The following EVL variants were observed in gnomAD, a reference collection of about 807,000 sequenced individuals.
EVL encodes ena/VASP-like protein.
Under a neutral mutation model 59.6 loss-of-function variants are expected in EVL, and 21 were observed. The observed-to-expected ratio is 0.35, with a 90% CI of 0.25 to 0.51. The LOEUF (loss-of-function observed/expected upper bound fraction) is 0.51. EVL is among the 20% of genes least tolerant of loss of function. EVL has a pLI of 0.97. For synonymous variants in EVL, 198 were observed against 203.5 expected, an observed-to-expected ratio of 0.97 and a Z score of 0.23; for missense variants, 462 against 546.6, an observed-to-expected ratio of 0.85 and a Z score of 1.54.
At chr14:99,997,642 T>C (rs563130756) in intron 1 of EVL, among the ~76,000 whole-genome samples, 1 of 152,314 alleles carries the variant, frequency 6.6e-6, no homozygotes, top group African/African-American at 2.4e-5. Flanking sequence ...CAGGGTTCTG[T>C]ACATCCAAAA....
intron 7 of EVL, among the ~76,000 whole-genome samples, chr14:100,131,649 G>T (rs535621829): frequency 6.6e-6 from 1 of 152,210 alleles, no homozygotes; most frequent in East Asian, 1.9e-4. Context: ...TGGCTGCTGG[G>T]GGGTAGCTGG....
At chr14:99,995,253 C>T (rs1055077027) in intron 1 of EVL, among the ~76,000 whole-genome samples, 1 of 152,112 alleles carries the variant, frequency 6.6e-6, no homozygotes, top group African/African-American at 2.4e-5. Context: ...TCTGAGATGT[C>T]CATTATTTAC....
chr14:100,126,893 C>A, intron 5 of EVL, 122 bp downstream of exon 5: 1 of 827,732 alleles, frequency 1.2e-6, no homozygotes, highest in South Asian at 1.7e-5. Flanking sequence ...GCCTAGGTCT[C>A]AAAGTGCAAC....
chr14:100,084,569 C>G (rs537959056), intron 1 of EVL, 118 bp from the exon 2 acceptor site: 20 of 1,057,014 alleles, frequency 1.9e-5, no homozygotes, highest in Non-Finnish European at 2.6e-5. Flanking sequence ...GTTGGAAGTT[C>G]TGGCAATTGG....
chr14:99,972,704 A>G lies in EVL; in HGVS notation c.5+647A>G, dbSNP rs1283095586. On this transcript the variant is annotated intron_variant, in intron 1 of 13. Coordinates refer to the EVL transcript ENST00000402714. The surrounding 1 kb of genome is among the most constrained non-coding windows in gnomAD (Gnocchi z 4.4). ...AGCCTGCTGATTATCAGGCCAAGAA[A>G]TAAAACCTTGCTTCTGCCAGAAGCC... Among the ~76,000 whole-genome samples the G allele has an allele frequency of 6.6e-6, 1 of 152,142 alleles. No homozygotes were observed. The highest frequency in any genetic ancestry group is 1.5e-5 in the Non-Finnish European group (1 of 68,016).
chr14:99,989,727 G>A (rs1434461283), intron 1 of EVL, among the ~76,000 whole-genome samples: 1 of 152,148 alleles, frequency 6.6e-6, no homozygotes, highest in Non-Finnish European at 1.5e-5. Flanking sequence ...TCATTATTGT[G>A]GAAAGTTCTA....
At chr14:100,118,932 A>G (rs1359676309) in intron 3 of EVL, among the ~76,000 whole-genome samples, 1 of 152,226 alleles carries the variant, frequency 6.6e-6, no homozygotes, top group Non-Finnish European at 1.5e-5. Flanking sequence ...CCCAAGAATC[A>G]TCACAGTCCA....
At chr14:99,973,210 G>C (rs2060746974) in intron 1 of EVL, among the ~76,000 whole-genome samples, 1 of 152,210 alleles carries the variant, frequency 6.6e-6, no homozygotes, top group African/African-American at 2.4e-5. Flanking sequence ...TAAACACCAA[G>C]TTGCCAAAGT....
At chr14:100,123,020 C>G (rs1474166148) in intron 3 of EVL, among the ~76,000 whole-genome samples, 1 of 152,230 alleles carries the variant, frequency 6.6e-6, no homozygotes, top group East Asian at 1.9e-4. Context: ...GCATAGGCCT[C>G]AGCTCAGACA....
chr14:100,077,636 A>T (rs2062191780), intron 1 of EVL, among the ~76,000 whole-genome samples: 1 of 152,190 alleles, frequency 6.6e-6, no homozygotes, highest in Non-Finnish European at 1.5e-5. Context: ...CCATTTGCCT[A>T]GAACCAGCAA....
At chr14:100,042,807 C>T (rs575931561) in intron 1 of EVL, among the ~76,000 whole-genome samples, 44 of 152,264 alleles carry the variant, frequency 2.9e-4, no homozygotes, top group African/African-American at 8.9e-4. Context: ...ACCCCAGTTC[C>T]GGGAATGCCT....
upstream of EVL, among the ~76,000 whole-genome samples, chr14:100,063,515 A>G (rs1172411767): frequency 6.6e-6 from 1 of 152,216 alleles, no homozygotes; most frequent in Non-Finnish European, 1.5e-5. Flanking sequence ...CAGAAAACCA[A>G]TGCTGCATGG....
chr14:100,132,566 G>A (rs1294340693), intron 7 of EVL, among the ~76,000 whole-genome samples, 153 bp from the exon 8 acceptor site: 1 of 152,192 alleles, frequency 6.6e-6, no homozygotes, highest in African/African-American at 2.4e-5. Flanking sequence ...TCACCAGACG[G>A]GGCCTAGACA....
chr14:100,089,211 A>G (rs2062511830), intron 2 of EVL, among the ~76,000 whole-genome samples: 2 of 152,378 alleles, frequency 1.3e-5, no homozygotes, highest in Admixed American at 1.3e-4. Flanking sequence ...TCATACCTCC[A>G]AGCTACTAAT....
At chr14:100,065,569 T>A in intron 1 of EVL, 58 bp downstream of exon 1, 1 of 1,055,992 alleles carries the variant, frequency 9.5e-7, no homozygotes, top group Non-Finnish European at 1.3e-6. Flanking sequence ...CCTAGAATCT[T>A]AACGGTGAAT....
At chr14:100,107,007 T>C (rs1484045776) in intron 3 of EVL, 5 of 398,636 alleles carry the variant, frequency 1.3e-5, no homozygotes, top group Non-Finnish European at 2.2e-5. Flanking sequence ...CCGGGCTACG[T>C]TGGGTCTGTG....
intron 1 of EVL, among the ~76,000 whole-genome samples, chr14:100,078,689 T>C (rs1159018419): frequency 6.6e-6 from 1 of 152,078 alleles, no homozygotes; most frequent in Non-Finnish European, 1.5e-5. Flanking sequence ...GGGTGCTTGT[T>C]AGGTGCCCAC....
chr14:100,003,531 C>A (rs997573169), intron 1 of EVL, among the ~76,000 whole-genome samples: 2 of 152,084 alleles, frequency 1.3e-5, no homozygotes, highest in African/African-American at 4.8e-5. Context: ...ATTATCCTGC[C>A]TCAGCCTCCC....
At chr14:100,129,153 G>C (rs1657610021) in intron 6 of EVL, among the ~76,000 whole-genome samples, 1 of 152,344 alleles carries the variant, frequency 6.6e-6, no homozygotes, top group East Asian at 1.9e-4. Flanking sequence ...CCACCCGGCT[G>C]TTTCTTCCCT....
Sources: allele counts gnomAD v4.1 joint callset (sites outside exome capture counted in the v4.1 genomes callset), GRCh38; gene constraint gnomAD v4.1.1; non-coding constraint Gnocchi (gnomAD v3.1); transcripts MANE v1.5; gene names NCBI Gene and HGNC (gene_info 2026-07-23, HGNC 2026-07-21).